The following AOPEP variants were observed in gnomAD, a reference collection of about 807,000 sequenced individuals.
AOPEP encodes aminopeptidase O.
In AOPEP, 77 loss-of-function variants were observed where a neutral mutation model predicts 98.1. The observed-to-expected ratio is 0.78, with a 90% CI of 0.65 to 0.95. The LOEUF is 0.95. AOPEP is among the 40% of genes least tolerant of loss of function. The pLI, the probability that AOPEP is intolerant of heterozygous loss-of-function variation, is 0.00. For missense variants in AOPEP, 1,024 were observed against 1,024.7 expected (o/e 1.00, Z 0.01); for synonymous variants, 346 against 365.3 (o/e 0.95, Z 0.60).
intron 5 of AOPEP, among the ~76,000 whole-genome samples, chr9:94,885,734 T>C (rs78303333): frequency 0.019 from 2,848 of 152,292 alleles, 99 homozygotes; most frequent in African/African-American, 0.065. Flanking sequence ...ACCACTGGAA[T>C]AGACAGATCA....
At position 94,967,794 on chromosome 9, in the gene AOPEP, GA is replaced by G. The variant is rs746973748; in HGVS notation, c.1915del (p.Arg639GlyfsTer49). On this transcript the variant is annotated frameshift_variant, in exon 10 of 17. Transcript: ENST00000375315. LOFTEE classifies it high-confidence loss of function. Reference protein sequence around the residue: ...LQMLLENIPEEKRLELSVENI... With the variant: ...LQMLLENIPEXKRLELSVENI... ...AATGCTACTGGAGAACATTCCAGAAGAAAAAAGGTAAGGACCAATTTAGGAA... is the reference window on the plus strand; with the variant it reads ...AATGCTACTGGAGAACATTCCAGAAGAAAAAGGTAAGGACCAATTTAGGAA... 2.5e-6 allele frequency: 4 copies of G among 1,612,882 alleles called. No individual in the cohort carries two copies.
intron 7 of AOPEP, among the ~76,000 whole-genome samples, chr9:94,951,526 G>A (rs1230795647): frequency 3.9e-5 from 6 of 152,204 alleles, no homozygotes; most frequent in African/African-American, 1.4e-4. Flanking sequence ...GGAAGAGGGT[G>A]TGATGCATAA....
intron 5 of AOPEP, among the ~76,000 whole-genome samples, chr9:94,887,325 G>T (rs1564325040): frequency 6.6e-6 from 1 of 151,984 alleles, no homozygotes; most frequent in Admixed American, 6.6e-5. Context: ...TCCAGCCTAG[G>T]CGACAGAGCC....
chr9:95,029,037 G>C (rs1279707064), intron 13 of AOPEP, among the ~76,000 whole-genome samples: 1 of 152,256 alleles, frequency 6.6e-6, no homozygotes. Flanking sequence ...CCAGGTAGCT[G>C]TGTGGGCAGG....
chr9:94,857,739 AG>A (rs752156583), intron 5 of AOPEP, among the ~76,000 whole-genome samples: 7 of 152,218 alleles, frequency 4.6e-5, no homozygotes, highest in South Asian at 2.1e-4. Flanking sequence ...TTGCAAGTAC[AG>A]GCTTATCATT....
intron 5 of AOPEP, among the ~76,000 whole-genome samples, chr9:94,835,973 G>A (rs1056273289): frequency 6.6e-6 from 1 of 152,162 alleles, no homozygotes; most frequent in Non-Finnish European, 1.5e-5. Context: ...CAATCCCTAA[G>A]CAAGGGATCT....
At chr9:94,922,123 C>A (rs2053703531) in intron 5 of AOPEP, among the ~76,000 whole-genome samples, 1 of 152,156 alleles carries the variant, frequency 6.6e-6, no homozygotes, top group Non-Finnish European at 1.5e-5. Flanking sequence ...TGCCACCCAC[C>A]CTCCCCACAG....
chr9:94,950,603 G>T (rs1017984969), intron 7 of AOPEP, among the ~76,000 whole-genome samples: 16 of 152,338 alleles, frequency 1.1e-4, no homozygotes, highest in Non-Finnish European at 2.2e-4. Flanking sequence ...GTGAGGTCCT[G>T]CTCTCAAAGC....
chr9:95,085,238 C>T, intron 16 of AOPEP: 1 of 495,880 alleles, frequency 2.0e-6, no homozygotes, highest in South Asian at 1.5e-5. Context: ...GGGTTCCTGG[C>T]ATGCTGATTT....
chr9:94,741,146 G>A (rs1832978552), intron 1 of AOPEP, among the ~76,000 whole-genome samples: 1 of 152,102 alleles, frequency 6.6e-6, no homozygotes, highest in Admixed American at 6.5e-5. Context: ...TGGTCTGATA[G>A]GATAAGGTTG....
chr9:94,914,610 T>C (rs1051860022), intron 5 of AOPEP, among the ~76,000 whole-genome samples: 2 of 151,472 alleles, frequency 1.3e-5, no homozygotes, highest in Admixed American at 6.6e-5. Context: ...CTGGGCCTAG[T>C]GTGGCCACAT....
At chr9:94,742,466 T>A (rs779927865) in intron 1 of AOPEP, among the ~76,000 whole-genome samples, 11 of 151,966 alleles carry the variant, frequency 7.2e-5, no homozygotes, top group South Asian at 2.1e-4. Context: ...TTAGTCTCAC[T>A]CTGTCGCCAG....
intron 5 of AOPEP, among the ~76,000 whole-genome samples, chr9:94,910,406 C>T (rs533837113): frequency 3.7e-4 from 56 of 152,308 alleles, no homozygotes; most frequent in Non-Finnish European, 5.1e-4. Context: ...CTCTGGCTTC[C>T]GAGCGAGGAC....
intron 5 of AOPEP, among the ~76,000 whole-genome samples, chr9:94,806,623 G>A (rs1849318482): frequency 6.6e-6 from 1 of 152,114 alleles, no homozygotes; most frequent in Admixed American, 6.6e-5. Flanking sequence ...TATCCTTCTT[G>A]AGAAAATTAT....
At chr9:95,118,298 C>T in the AOPEP span, among the ~76,000 whole-genome samples, 1 of 152,332 alleles carries the variant, frequency 6.6e-6, no homozygotes, top group East Asian at 1.9e-4. Flanking sequence ...GGGTTATAGT[C>T]ATGAGCCACT....
At chr9:95,145,002 A>G in the AOPEP span, among the ~76,000 whole-genome samples, 1 of 152,200 alleles carries the variant, frequency 6.6e-6, no homozygotes, top group Non-Finnish European at 1.5e-5. Context: ...TTATTTTTTT[A>G]GCCATGAAAC....
the AOPEP span, chr9:95,114,343 T>C: frequency 2.3e-6 from 1 of 438,564 alleles, no homozygotes; most frequent in Non-Finnish European, 4.3e-6. Context: ...CTTTTTATTG[T>C]TATGCCTGTA....
chr9:94,922,228 G>A (rs986631270), intron 5 of AOPEP, among the ~76,000 whole-genome samples: 1 of 152,212 alleles, frequency 6.6e-6, no homozygotes, highest in African/African-American at 2.4e-5. Flanking sequence ...AGAGCAGGCA[G>A]GTCCCCGGAC....
chr9:95,041,568 A>G (rs2065315551), intron 13 of AOPEP, among the ~76,000 whole-genome samples: 1 of 151,964 alleles, frequency 6.6e-6, no homozygotes, highest in Non-Finnish European at 1.5e-5. Flanking sequence ...TCTGCACTTA[A>G]TGAAGACTTC....
Sources: allele counts gnomAD v4.1 joint callset (sites outside exome capture counted in the v4.1 genomes callset), GRCh38; gene constraint gnomAD v4.1.1; transcripts MANE v1.5; gene names NCBI Gene and HGNC (gene_info 2026-07-23, HGNC 2026-07-21).